The following ANAPC5 variants were observed in gnomAD, a reference collection of about 807,000 sequenced individuals.
ANAPC5 encodes anaphase-promoting complex subunit 5.
In ANAPC5, 60 loss-of-function variants were observed where a neutral mutation model predicts 91.3. The observed-to-expected ratio is 0.66, with a 90% CI of 0.53 to 0.81. ANAPC5 has a LOEUF of 0.81. Ranked by LOEUF, ANAPC5 falls within the 40% of genes least tolerant of loss-of-function variation. The probability of loss-of-function intolerance (pLI) is 0.00; values close to 1 mark genes in which losing one functional copy is unlikely to be tolerated. For missense variants in ANAPC5, 690 were observed against 931.5 expected, an observed-to-expected ratio of 0.74 and a Z score of 3.37; for synonymous variants, 340 against 364.1, an observed-to-expected ratio of 0.93 and a Z score of 0.75.
rs144370647 is a variant in ANAPC5, at chr12:121,319,114, A to AAC, written c.1638-508_1638-507dup. ...TATGTGAGCATGCTGTGTATACACA[A>AAC]ACACACACACACACACACACACACA... On this transcript the variant is annotated intron_variant, in intron 13 of 16. Coordinates refer to ENST00000261819, the MANE Select transcript of ANAPC5 (RefSeq NM_016237.5). Among the ~76,000 whole-genome samples, 1,031 of 114,616 alleles carry AAC rather than the reference A, an allele frequency of 9.0e-3. 4 individuals are homozygous for AAC. The highest frequency in any genetic ancestry group is 0.014 in the Middle Eastern group (3 of 222). The allele number at this position is 114,616 out of a possible 152,430, so 75.2% of individuals were successfully genotyped here.
At chr12:121,323,376 G>A (rs889806016) in intron 11 of ANAPC5, among the ~76,000 whole-genome samples, 17 of 151,894 alleles carry the variant, frequency 1.1e-4, no homozygotes, top group African/African-American at 4.1e-4. Flanking sequence ...CCAGGCTGGA[G>A]TGTAGTGGTG....
Position 121,341,597 on chromosome 12 carries a change from G to C in ANAPC5, c.657+406C>G, listed in dbSNP as rs557610611. On this transcript the variant is annotated intron_variant, in intron 5 of 16. Transcript: ENST00000261819. The stretch of plus-strand genomic sequence containing the variant: ...ATGGTGGCTGAATAGAGAGTGGTTA[G>C]ATAAGTAATAAATAGAACAAAAATA... Among the ~76,000 whole-genome samples the C allele has an allele frequency of 2.0e-5, 3 of 152,330 alleles. No homozygotes were observed. In the South Asian group the frequency reaches 6.2e-4, roughly 32 times the overall value.
At chr12:121,325,821 C>A (rs1039797309) in intron 11 of ANAPC5, among the ~76,000 whole-genome samples, 1 of 152,170 alleles carries the variant, frequency 6.6e-6, no homozygotes, top group Non-Finnish European at 1.5e-5. Flanking sequence ...GAGCTGAGAT[C>A]GTGCCACTGC....
chr12:121,339,458 G>C (rs1555273845), intron 5 of ANAPC5, among the ~76,000 whole-genome samples: 1 of 151,940 alleles, frequency 6.6e-6, no homozygotes, highest in African/African-American at 2.4e-5. Flanking sequence ...TTTGTTATTT[G>C]CCTTTTAATT....
chr12:121,308,499 G>T lies in ANAPC5; in HGVS notation c.2249C>A (p.Pro750His). The change falls in exon 17 of 17, where the codon CCC becomes CAC. Residue 750 changes from proline (P) to histidine (H), a missense_variant. Coordinates refer to ENST00000261819, the MANE Select transcript of ANAPC5 (RefSeq NM_016237.5). ...LHQELPSHGV[P>H]LINHL ...TCCTCTCTAGAGATGGTTTATCAAG[G>T]GTACCCCATGAGAGGGCAGCTCCTG... 1 of 1,614,006 alleles carries T rather than the reference G, an allele frequency of 6.2e-7. No homozygotes were observed. Among genetic ancestry groups the T allele is most frequent in the Non-Finnish European group, 8.5e-7 (1 of 1,180,006 alleles).
At chr12:121,350,045 T>C (rs1903823629) in intron 1 of ANAPC5, among the ~76,000 whole-genome samples, 2 of 152,042 alleles carry the variant, frequency 1.3e-5, no homozygotes, top group African/African-American at 4.8e-5. Context: ...ACTTTAATAA[T>C]GGAGGGAAAT....
At position 121,347,169 on chromosome 12, in the gene ANAPC5, C is replaced by T. The variant is rs1235287797; in HGVS notation, c.288-164G>A. The T allele has an allele frequency of 1.2e-5, 6 of 502,024 alleles. No individual in the cohort carries two copies. In the African/African-American group the frequency reaches 1.2e-4, roughly 10 times the overall value. 31.1% of individuals were successfully genotyped at this position (502,024 alleles called of 1,614,324 possible). A position where few individuals can be genotyped will look rare whatever the true frequency, so the allele number is the denominator to read the frequency against. On this transcript the variant is annotated intron_variant, in intron 2 of 16. Coordinates refer to ENST00000261819, the MANE Select transcript of ANAPC5 (RefSeq NM_016237.5). The stretch of plus-strand genomic sequence containing the variant: ...ACTTCATAATTCAAAATGTTACTCC[C>T]GTATTTCTGAAAAGTATCATTGTTG...
intron 11 of ANAPC5, among the ~76,000 whole-genome samples, chr12:121,322,154 G>A (rs564509542): frequency 3.4e-5 from 5 of 148,364 alleles, no homozygotes; most frequent in Non-Finnish European, 5.9e-5. Flanking sequence ...GTGAGCCACC[G>A]CACCTGGCCT....
chr12:121,318,684 C>A, intron 13 of ANAPC5, 76 bp from the exon 14 acceptor site: 2 of 1,263,690 alleles, frequency 1.6e-6, no homozygotes, highest in African/African-American at 3.0e-5. Flanking sequence ...TATTCAATTG[C>A]GCTATAAACC....
intron 15 of ANAPC5, among the ~76,000 whole-genome samples, chr12:121,310,900 C>T (rs113088151): frequency 0.051 from 7,326 of 144,956 alleles, 557 homozygotes; most frequent in African/African-American, 0.17. Context: ...CACCACTGCA[C>T]TCCAGCCTGG....
intron 1 of ANAPC5, among the ~76,000 whole-genome samples, chr12:121,348,664 C>T (rs1555274943): frequency 6.6e-6 from 1 of 151,466 alleles, no homozygotes; most frequent in Non-Finnish European, 1.5e-5. Context: ...GACTCCGTCT[C>T]CAATAAAAAA....
Position 121,335,632 on chromosome 12 carries a change from G to GT in ANAPC5, c.850dup (p.Thr284AsnfsTer8). On this transcript the variant is annotated frameshift_variant, in exon 7 of 17. Transcript: ENST00000261819. LOFTEE classifies it high-confidence loss of function. ...CCCATTACTTTTGCTTTCGGCTCCG[G>GT]TAAGAATCAGACGATCAAAATAATG... 6.2e-7 allele frequency: 1 copy of GT among 1,614,146 alleles called. No homozygotes were observed. Among genetic ancestry groups the GT allele is most frequent in the Non-Finnish European group, 8.5e-7 (1 of 1,179,982 alleles).
chr12:121,328,853 T>C (rs1319546490), intron 9 of ANAPC5: 5 of 201,580 alleles, frequency 2.5e-5, no homozygotes, highest in Non-Finnish European at 4.1e-5. Flanking sequence ...AAACCTATCA[T>C]AAAGAATTAT....
At chr12:121,316,128 A>G (rs80199434) in intron 15 of ANAPC5, among the ~76,000 whole-genome samples, 3 of 152,340 alleles carry the variant, frequency 2.0e-5, no homozygotes, top group East Asian at 1.9e-4. Flanking sequence ...AAAAACAGGT[A>G]AAGGATCGGA....
chr12:121,330,447 T>A (rs1286849075), intron 9 of ANAPC5, 136 bp downstream of exon 9: 19 of 649,280 alleles, frequency 2.9e-5, no homozygotes, highest in South Asian at 2.0e-5. Flanking sequence ...ATTAAAGTCA[T>A]ATGAAACTGC....
chr12:121,349,090 T>A (rs1555275015), intron 1 of ANAPC5, among the ~76,000 whole-genome samples: 2 of 152,018 alleles, frequency 1.3e-5, no homozygotes, highest in African/African-American at 4.8e-5. Context: ...CATGGTGAAA[T>A]CCCATGCCCA....
chr12:121,350,680 C>CAA (rs11457183), intron 1 of ANAPC5, among the ~76,000 whole-genome samples: 2,195 of 133,242 alleles, frequency 0.016, 48 homozygotes, highest in African/African-American at 0.048. Flanking sequence ...GACTCCGTCT[C>CAA]AAAAAAAAAA....
At chr12:121,340,416 ATACTGAGG>A (rs1237918612) in intron 5 of ANAPC5, among the ~76,000 whole-genome samples, 1 of 152,104 alleles carries the variant, frequency 6.6e-6, no homozygotes, top group Non-Finnish European at 1.5e-5. Flanking sequence ...CATCTGTAAT[ATACTGAGG>A]TACAAGGTAA....
rs1902563940 is a variant in ANAPC5, at chr12:121,320,700, T to G, written c.1441-241A>C. 1.7e-5 allele frequency: 5 copies of G among 290,740 alleles called. No individual in the cohort carries two copies. In the Admixed American group the frequency reaches 2.2e-4, roughly 13 times the overall value. The allele number at this position is 290,740 out of a possible 1,614,324, so 18.0% of individuals were successfully genotyped here. On this transcript the variant is annotated intron_variant, in intron 11 of 16. Transcript: ENST00000261819. The stretch of plus-strand genomic sequence containing the variant: ...TCATTGCAAGCTCCGCTTCCCGGGT[T>G]CACGCCATTCTCCTGCCTCAGCCTC...
Sources: allele counts gnomAD v4.1 joint callset (sites outside exome capture counted in the v4.1 genomes callset), GRCh38; gene constraint gnomAD v4.1.1; transcripts MANE v1.5; gene names NCBI Gene and HGNC (gene_info 2026-07-23, HGNC 2026-07-21).